CHIC1: variants seen among roughly 807,000 people sequenced by gnomAD.
CHIC1 encodes cysteine-rich hydrophobic domain-containing protein 1.
CHIC1 carries 7 observed loss-of-function variants against 18.5 expected under a neutral mutation model. That is an observed-to-expected ratio of 0.38 (90% CI 0.22 to 0.71). CHIC1 has a LOEUF of 0.71. CHIC1 is among the 30% of genes least tolerant of loss of function. The pLI, the probability that CHIC1 is intolerant of heterozygous loss-of-function variation, is 0.49. For missense variants in CHIC1, 159 were observed against 176.9 expected (o/e 0.90, Z 0.57); for synonymous variants, 77 against 73.5 (o/e 1.05, Z -0.25).
In CHIC1 at chrX:73,612,048, T is replaced by G. The variant is rs1363251749; in HGVS notation, c.507+27476T>G. Among the ~76,000 whole-genome samples the G allele has an allele frequency of 4.9e-4, 53 of 109,070 alleles. 1 individual carries two copies. The highest frequency in any genetic ancestry group is 3.9e-4 in the South Asian group (1 of 2,538). The allele number at this position is 109,070 out of a possible 115,157, so 94.7% of individuals were successfully genotyped here. On this transcript the variant is annotated intron_variant, in intron 3 of 5. Transcript: ENST00000373502. ...AATTAGATCCCATTTGTCAATTTTG[T>G]CTTTTGTTGCCATTGCTTTTGGTGT...
rs369793913 is a variant in CHIC1, at chrX:73,677,667, C to T, written c.508-1659C>T. Among the ~76,000 whole-genome samples the T allele has an allele frequency of 7.4e-4, 83 of 112,446 alleles. 1 individual carries two copies. The South Asian group carries it at 0.03, about 41-fold the overall frequency. ...CTTTCTTTGACTAGGAAAGGGAATT[C>T]CCTGACCCCTTGTGCTTCCCGAGTG... is the stretch of plus-strand genomic sequence containing the variant. On this transcript the variant is annotated intron_variant, in intron 3 of 5. Transcript: ENST00000373502.
At chrX:73,591,456 C>A (rs775277810) in intron 3 of CHIC1, among the ~76,000 whole-genome samples, 1 of 111,180 alleles carries the variant, frequency 9.0e-6, no homozygotes, top group East Asian at 2.9e-4. Context: ...TATTTGTATA[C>A]TTTGGATACC....
chrX:73,680,645 G>A (rs1449216285), intron 5 of CHIC1, among the ~76,000 whole-genome samples: 2 of 110,203 alleles, frequency 1.8e-5, no homozygotes, highest in African/African-American at 6.6e-5. Flanking sequence ...GGGGTGTGGG[G>A]GAAAAACATA....
intron 3 of CHIC1, among the ~76,000 whole-genome samples, chrX:73,655,162 T>C (rs892537534): frequency 9.1e-6 from 1 of 109,749 alleles, no homozygotes; most frequent in African/African-American, 3.3e-5. Flanking sequence ...GTATTTGGTT[T>C]TCTCTTCCTG....
At chrX:73,631,764 T>C (rs187407191) in intron 3 of CHIC1, among the ~76,000 whole-genome samples, 1 of 112,719 alleles carries the variant, frequency 8.9e-6, no homozygotes, top group African/African-American at 3.2e-5. Context: ...TCAGAATTGT[T>C]TTCAAACTTT....
chrX:73,661,989 G>A (rs1330893378), intron 3 of CHIC1, among the ~76,000 whole-genome samples: 3 of 109,372 alleles, frequency 2.7e-5, no homozygotes, highest in Non-Finnish European at 3.8e-5. Context: ...GTATACATAT[G>A]TAACTAACCT....
At chrX:73,601,758 T>G (rs1201457704) in intron 3 of CHIC1, among the ~76,000 whole-genome samples, 1 of 105,968 alleles carries the variant, frequency 9.4e-6, no homozygotes, top group African/African-American at 3.7e-5. Context: ...TTCAAAAAAT[T>G]AATGAATCCA....
chrX:73,646,866 C>G (rs1283538243), intron 3 of CHIC1, among the ~76,000 whole-genome samples: 1 of 109,911 alleles, frequency 9.1e-6, no homozygotes, highest in Non-Finnish European at 1.9e-5. Context: ...TCCATAAAAT[C>G]TTTGACCCAG....
chrX:73,585,530 TAAAA>T (rs1040812545), intron 3 of CHIC1, among the ~76,000 whole-genome samples: 1 of 109,317 alleles, frequency 9.1e-6, no homozygotes, highest in Admixed American at 9.8e-5. Context: ...TTTCTATAAA[TAAAA>T]AAAAAGCTGA....
intron 2 of CHIC1, among the ~76,000 whole-genome samples, chrX:73,581,442 G>A (rs1246043824): frequency 9.0e-6 from 1 of 110,700 alleles, no homozygotes; most frequent in Non-Finnish European, 1.9e-5. Context: ...TCAATTATAT[G>A]AAAGTAAATG....
At chrX:73,575,599 A>G (rs1354142875) in intron 1 of CHIC1, among the ~76,000 whole-genome samples, 1 of 110,275 alleles carries the variant, frequency 9.1e-6, no homozygotes, top group African/African-American at 3.3e-5. Flanking sequence ...AAACATAGAA[A>G]AAGTACAGAG....
intron 3 of CHIC1, among the ~76,000 whole-genome samples, chrX:73,661,961 C>T (rs910626345): frequency 2.7e-5 from 3 of 109,940 alleles, no homozygotes; most frequent in African/African-American, 6.6e-5. Context: ...GTGGGTTCAG[C>T]GCACCAGCAT....
intron 3 of CHIC1, among the ~76,000 whole-genome samples, chrX:73,640,289 A>G (rs1397799573): frequency 1.8e-5 from 2 of 111,996 alleles, no homozygotes; most frequent in African/African-American, 6.5e-5. Flanking sequence ...TGAGATAATC[A>G]TGTGGTTTTT....
chrX:73,674,949 G>C lies in CHIC1; in HGVS notation c.508-4377G>C, dbSNP rs748784928. Among the ~76,000 whole-genome samples, 3 of 111,418 alleles carry C rather than the reference G, an allele frequency of 2.7e-5. No individual in the cohort carries two copies. In the South Asian group the frequency reaches 1.1e-3, roughly 42 times the overall value. ...GGTATGTTGTGTCTTTGTTCTCCTT[G>C]GTTTCAAAGAACATCTTTATTTCTG... On this transcript the variant is annotated intron_variant, in intron 3 of 5. Coordinates refer to ENST00000373502, the MANE Select transcript of CHIC1 (RefSeq NM_001039840.4).
intron 3 of CHIC1, among the ~76,000 whole-genome samples, chrX:73,610,409 C>A (rs1447454169): frequency 9.4e-6 from 1 of 106,581 alleles, no homozygotes; most frequent in Non-Finnish European, 1.9e-5. Context: ...CACTGACTAA[C>A]CATTCCTAAC....
At chrX:73,590,045 T>C (rs186793419) in intron 3 of CHIC1, among the ~76,000 whole-genome samples, 1 of 111,360 alleles carries the variant, frequency 9.0e-6, no homozygotes, top group Admixed American at 9.6e-5. Context: ...TCCCTCTTTG[T>C]TTTTTACTTT....
At chrX:73,642,601 A>G (rs1427966884) in intron 3 of CHIC1, among the ~76,000 whole-genome samples, 1 of 106,583 alleles carries the variant, frequency 9.4e-6, no homozygotes, top group East Asian at 2.9e-4. Flanking sequence ...GCCCATGCCT[A>G]TGTCCTGAAT....
intron 3 of CHIC1, among the ~76,000 whole-genome samples, chrX:73,647,813 A>C (rs774952250): frequency 8.9e-6 from 1 of 112,435 alleles, no homozygotes; most frequent in South Asian, 3.7e-4. Flanking sequence ...CAGGCAGCCT[A>C]GACCAGTGGG....
chrX:73,656,719 CAG>C (rs1310121279), intron 3 of CHIC1, among the ~76,000 whole-genome samples: 2 of 111,954 alleles, frequency 1.8e-5, no homozygotes, highest in African/African-American at 6.5e-5. Flanking sequence ...TAGTATAGTT[CAG>C]AGTCAGGTAG....
Sources: allele counts gnomAD v4.1 joint callset (sites outside exome capture counted in the v4.1 genomes callset), GRCh38; gene constraint gnomAD v4.1.1; transcripts MANE v1.5; gene names NCBI Gene and HGNC (gene_info 2026-07-23, HGNC 2026-07-21).